Variants in SCN1A observed in about 807,000 individuals in gnomAD.
The protein encoded by SCN1A is sodium channel protein type 1 subunit alpha.
A neutral mutation model predicts 193.7 loss-of-function variants in SCN1A; 13 were observed. The ratio of observed to expected loss-of-function variants is 0.07; its 90% CI spans 0.04 to 0.11. The LOEUF is 0.11. Among genes scored for constraint, SCN1A ranks in the 10% least tolerant of loss-of-function variants. SCN1A has a pLI of 1.00. For missense variants in SCN1A, 1,432 were observed against 2,451.1 expected, an observed-to-expected ratio of 0.58 and a Z score of 8.78; for synonymous variants, 781 against 843.6, an observed-to-expected ratio of 0.93 and a Z score of 1.29.
intron 19 of SCN1A, 134 bp from the exon 20 acceptor site, chr2:166,015,861 T>A (rs565298878): frequency 3.2e-6 from 3 of 933,882 alleles, no homozygotes; most frequent in Non-Finnish European, 5.0e-6. Flanking sequence ...AAAAGAGAGA[T>A]TGAATAAGGG....
intron 22 of SCN1A, among the ~76,000 whole-genome samples, chr2:166,010,429 CA>C (rs1414740466): frequency 4.6e-5 from 7 of 151,132 alleles, no homozygotes; most frequent in African/African-American, 7.3e-5. Flanking sequence ...AAAACTTCCT[CA>C]AAATTTTTTA....
chr2:166,111,558 T>G (rs1340630177), intron 2 of SCN1A, among the ~76,000 whole-genome samples: 1 of 152,140 alleles, frequency 6.6e-6, no homozygotes, highest in Non-Finnish European at 1.5e-5. Context: ...CAACACGCAC[T>G]CTGCAGCTCA....
chr2:166,015,512 G>A lies in SCN1A; in HGVS notation c.3550+95C>T, dbSNP rs1394438754. On this transcript the variant is annotated intron_variant, in intron 20 of 28. Coordinates refer to ENST00000674923, the MANE Select transcript of SCN1A (RefSeq NM_001165963.4). ...GTGATTGAATTATATCTATTACAAA[G>A]TGCCATTTTATTATATGTGATTTAT... is the stretch of plus-strand genomic sequence containing the variant. 9.7e-6 allele frequency: 14 copies of A among 1,444,262 alleles called. No homozygotes were observed. The South Asian group carries it at 1.3e-4, about 13-fold the overall frequency. The allele number at this position is 1,444,262 out of a possible 1,614,324, so 89.5% of individuals were successfully genotyped here.
At chr2:166,040,067 C>T (rs1696963488) in intron 16 of SCN1A, among the ~76,000 whole-genome samples, 1 of 151,634 alleles carries the variant, frequency 6.6e-6, no homozygotes, top group Non-Finnish European at 1.5e-5. Flanking sequence ...TACAGGCGCC[C>T]GCCACCACGC....
At chr2:166,052,115 G>T in intron 8 of SCN1A, 127 bp from the exon 9 acceptor site, 1 of 765,452 alleles carries the variant, frequency 1.3e-6, no homozygotes, top group Non-Finnish European at 2.1e-6. Flanking sequence ...TAGTGGAGAA[G>T]CAACACTTCA....
chr2:166,128,972 GTAGAT>G (rs542846942), upstream of SCN1A, among the ~76,000 whole-genome samples: 343 of 152,190 alleles, frequency 2.3e-3, 4 homozygotes, highest in African/African-American at 8.1e-3. Context: ...ACGATTATGT[GTAGAT>G]TAGTCATTGG....
chr2:166,101,464 C>T (rs1235856896), intron 2 of SCN1A, among the ~76,000 whole-genome samples: 1 of 147,474 alleles, frequency 6.8e-6, no homozygotes, highest in African/African-American at 2.5e-5. Flanking sequence ...ACATATGTAA[C>T]TAACCTGCAC....
intron 15 of SCN1A, 119 bp from the exon 16 acceptor site, chr2:166,041,588 CT>C (rs1459689507): frequency 1.1e-5 from 8 of 731,154 alleles, no homozygotes; most frequent in Non-Finnish European, 1.6e-5. Flanking sequence ...CAGAGACAAC[CT>C]TTTTTGTACT....
chr2:166,125,717 T>G (rs1691167528), intron 2 of SCN1A, among the ~76,000 whole-genome samples: 1 of 152,150 alleles, frequency 6.6e-6, no homozygotes, highest in African/African-American at 2.4e-5. Flanking sequence ...TACAACAGAA[T>G]CCTGACTGAG....
intron 4 of SCN1A, among the ~76,000 whole-genome samples, chr2:166,067,161 G>GA (rs530634973): frequency 2.0e-5 from 3 of 151,726 alleles, no homozygotes; most frequent in Admixed American, 6.6e-5. Context: ...AATTTAGTGG[G>GA]AAAAAAAATT....
upstream of SCN1A, among the ~76,000 whole-genome samples, chr2:166,132,956 C>A (rs1195695205): frequency 6.6e-6 from 1 of 151,770 alleles, no homozygotes; most frequent in Non-Finnish European, 1.5e-5. Context: ...TTTTTTCTTA[C>A]AGATTTGATT....
intron 9 of SCN1A, among the ~76,000 whole-genome samples, chr2:166,051,135 C>G (rs1026865469): frequency 1.3e-5 from 2 of 151,962 alleles, no homozygotes; most frequent in Non-Finnish European, 2.9e-5. Context: ...TAGGAAAATT[C>G]TTTCTAGCTG....
intron 2 of SCN1A, among the ~76,000 whole-genome samples, chr2:166,102,070 GAC>G (rs1574499760): frequency 6.6e-6 from 1 of 152,108 alleles, no homozygotes; most frequent in Non-Finnish European, 1.5e-5. Context: ...GAATTAAAAA[GAC>G]AGTTCTCAAA....
At chr2:165,997,891 A>G (rs1690296583) in intron 26 of SCN1A, 147 bp downstream of exon 26, 1 of 608,568 alleles carries the variant, frequency 1.6e-6, no homozygotes, top group Non-Finnish European at 3.0e-6. Context: ...ATATATGGAT[A>G]GTGAATGACA....
At position 165,992,435 on chromosome 2, in the gene SCN1A, A is replaced by G. The variant is rs1387878956; in HGVS notation, c.4853-13T>C. ...GCAAGAAACATACCTATGAATAAAC[A>G]ATGAGAATACCAACCAGTGAAGAAA... On this transcript the variant is annotated splice_polypyrimidine_tract_variant and intron_variant, in intron 28 of 28. Coordinates refer to ENST00000674923, the MANE Select transcript of SCN1A (RefSeq NM_001165963.4). The surrounding 1 kb of genome is among the most constrained non-coding windows in gnomAD (Gnocchi z 6.5). 22 of 1,612,946 alleles carry G rather than the reference A, an allele frequency of 1.4e-5. No individual in the cohort carries two copies. Among genetic ancestry groups the G allele is most frequent in the Middle Eastern group, 3.3e-4 (2 of 6,056 alleles).
intron 24 of SCN1A, 27 bp downstream of exon 24, chr2:166,002,445 T>C: frequency 6.3e-7 from 1 of 1,596,252 alleles, no homozygotes; most frequent in Non-Finnish European, 8.6e-7. Flanking sequence ...ACAATAAAAA[T>C]ATTCAGAGAA....
intron 16 of SCN1A, among the ~76,000 whole-genome samples, chr2:166,040,078 C>T (rs1696966701): frequency 6.6e-6 from 1 of 151,922 alleles, no homozygotes; most frequent in Non-Finnish European, 1.5e-5. Context: ...GCCACCACGC[C>T]CGCCTAATTT....
chr2:166,089,302 G>T (rs187629255), intron 2 of SCN1A, among the ~76,000 whole-genome samples: 167 of 152,154 alleles, frequency 1.1e-3, no homozygotes, highest in African/African-American at 3.5e-3. Context: ...TGGACAGTTT[G>T]TATGTTTAGT....
chr2:166,015,153 G>A (rs979241046), intron 20 of SCN1A, among the ~76,000 whole-genome samples: 2 of 151,782 alleles, frequency 1.3e-5, no homozygotes, highest in African/African-American at 4.8e-5. Context: ...TTTAGGTATA[G>A]AGTTTCTAGG....
Sources: gnomAD v4.1 joint callset for allele counts (sites outside exome capture counted in the v4.1 genomes callset) on GRCh38, gnomAD v4.1.1 for gene constraint, Gnocchi (gnomAD v3.1) non-coding constraint, MANE v1.5 for transcripts, NCBI Gene and HGNC (gene_info 2026-07-23, HGNC 2026-07-21) for gene names.